The following GLIS3 variants were observed in gnomAD, a reference collection of about 807,000 sequenced individuals.
GLIS3 encodes zinc finger protein GLIS3.
GLIS3 carries 53 observed loss-of-function variants against 78.6 expected under a neutral mutation model. The ratio of observed to expected loss-of-function variants is 0.67; its 90% CI spans 0.54 to 0.85. The LOEUF (loss-of-function observed/expected upper bound fraction) is 0.85, where lower values mean the gene tolerates loss of function less well. Ranked by LOEUF, GLIS3 falls within the 40% of genes least tolerant of loss-of-function variation. The probability of loss-of-function intolerance (pLI) is 0.00; values close to 1 mark genes in which losing one functional copy is unlikely to be tolerated. For missense variants in GLIS3, 1,703 were observed against 1,231.1 expected (o/e 1.38, Z -5.74); for synonymous variants, 684 against 509.9 (o/e 1.34, Z -4.60).
At chr9:4,176,331 G>C (rs1164660924) in intron 2 of GLIS3, among the ~76,000 whole-genome samples, 2 of 152,234 alleles carry the variant, frequency 1.3e-5, no homozygotes, top group East Asian at 3.9e-4. Context: ...TAGTGTTTTA[G>C]GCTATTTCTC....
At chr9:4,321,461 A>AAAAAAAAAAT (rs1563932116) in intron 2 of GLIS3, among the ~76,000 whole-genome samples, 2 of 141,006 alleles carry the variant, frequency 1.4e-5, no homozygotes, top group African/African-American at 5.4e-5. Flanking sequence ...AAAAAAAAAA[A>AAAAAAAAAAT]AATCAGGTGC....
At chr9:4,344,380 C>T (rs1345971794) in intron 2 of GLIS3, among the ~76,000 whole-genome samples, 1 of 152,204 alleles carries the variant, frequency 6.6e-6, no homozygotes, top group African/African-American at 2.4e-5. Flanking sequence ...TCATCAGCAG[C>T]ATTTGGCAAA....
At chr9:4,399,072 T>C in the GLIS3 span, among the ~76,000 whole-genome samples, 2 of 152,216 alleles carry the variant, frequency 1.3e-5, no homozygotes, top group African/African-American at 2.4e-5. Flanking sequence ...CATTTTACGA[T>C]AACAACCACT....
chr9:4,188,415 T>C (rs1167565724), intron 2 of GLIS3, among the ~76,000 whole-genome samples: 4 of 149,240 alleles, frequency 2.7e-5, no homozygotes, highest in African/African-American at 7.4e-5. Flanking sequence ...TTATTGAGGA[T>C]TTTTGCATCA....
At chr9:4,383,278 C>A in the GLIS3 span, among the ~76,000 whole-genome samples, 1 of 152,230 alleles carries the variant, frequency 6.6e-6, no homozygotes, top group Non-Finnish European at 1.5e-5. Flanking sequence ...AAACTCCAAC[C>A]AGATTGCATT....
chr9:3,829,323 G>C lies in GLIS3; in HGVS notation c.2643C>G (p.His881Gln). ...FDVFHRAFST[H>Q]SGITVYDLPS... ...CAACCAACACACCTGTAATGCCCGA[G>C]TGAGTCGAGAAGGCTCTGTGGAAAA... The change falls in exon 10 of 11, where the codon CAC becomes CAG. Residue 881 changes from histidine to glutamine, a missense_variant. Physicochemically the swap from His to Gln is conservative, Grantham distance 24. Coordinates refer to ENST00000381971, the MANE Select transcript of GLIS3 (RefSeq NM_001042413.2). 6 of 1,614,002 alleles carry C rather than the reference G, an allele frequency of 3.7e-6. No individual in the cohort carries two copies. Among genetic ancestry groups the C allele is most frequent in the Non-Finnish European group, 4.2e-6 (5 of 1,179,904 alleles).
the GLIS3 span, among the ~76,000 whole-genome samples, chr9:4,485,973 T>G: frequency 6.6e-6 from 1 of 152,100 alleles, no homozygotes. Flanking sequence ...CCACCCCCCT[T>G]GGCCTCCCAA....
the GLIS3 span, among the ~76,000 whole-genome samples, chr9:4,451,692 A>G: frequency 6.6e-6 from 1 of 152,080 alleles, no homozygotes; most frequent in Non-Finnish European, 1.5e-5. Context: ...GGATAAAGAA[A>G]CTCACTCAAA....
the GLIS3 span, among the ~76,000 whole-genome samples, chr9:4,353,993 ATT>A: frequency 1.7e-3 from 237 of 135,692 alleles, 4 homozygotes; most frequent in South Asian, 2.2e-3. Flanking sequence ...ACACCCGGCT[ATT>A]TTTTTTTTTT....
chr9:4,328,324 G>A (rs773876545), intron 2 of GLIS3, among the ~76,000 whole-genome samples: 15 of 152,172 alleles, frequency 9.9e-5, no homozygotes, highest in Non-Finnish European at 1.8e-4. Flanking sequence ...TCCCCCTGAA[G>A]TTCCAGTTGA....
intron 2 of GLIS3, among the ~76,000 whole-genome samples, chr9:4,211,746 A>C (rs1222778366): frequency 6.6e-6 from 1 of 152,248 alleles, no homozygotes; most frequent in African/African-American, 2.4e-5. Context: ...TGTTCATAAC[A>C]GCCAAAAAGG....
intron 4 of GLIS3, among the ~76,000 whole-genome samples, chr9:3,963,782 G>A (rs190782785): frequency 6.6e-5 from 10 of 152,066 alleles, no homozygotes; most frequent in East Asian, 1.9e-4. Flanking sequence ...AGGCCTCACC[G>A]AGACACCAAG....
chr9:4,209,141 C>G (rs147440643), intron 2 of GLIS3, among the ~76,000 whole-genome samples: 141 of 152,284 alleles, frequency 9.3e-4, no homozygotes, highest in Non-Finnish European at 1.7e-3. Flanking sequence ...AATGGACGCT[C>G]ATGCACCACT....
intron 2 of GLIS3, among the ~76,000 whole-genome samples, chr9:4,194,964 T>C (rs1473545964): frequency 1.3e-5 from 2 of 152,036 alleles, no homozygotes; most frequent in African/African-American, 4.8e-5. Flanking sequence ...CCTGGCAGTG[T>C]AGCCACAAAG....
intron 2 of GLIS3, among the ~76,000 whole-genome samples, chr9:4,175,596 T>C (rs1425303442): frequency 6.6e-6 from 1 of 152,182 alleles, no homozygotes; most frequent in Non-Finnish European, 1.5e-5. Context: ...GTTACTCTCC[T>C]GGCAATGCTG....
At chr9:4,096,777 C>A (rs1003967962) in intron 4 of GLIS3, among the ~76,000 whole-genome samples, 4 of 152,042 alleles carry the variant, frequency 2.6e-5, no homozygotes, top group African/African-American at 7.2e-5. Flanking sequence ...TTTGGGAGGC[C>A]AAGGCAGGTG....
chr9:4,446,504 A>ATTTTTT, the GLIS3 span, among the ~76,000 whole-genome samples: 2 of 124,144 alleles, frequency 1.6e-5, no homozygotes, highest in African/African-American at 3.1e-5. Context: ...AAATATCCAA[A>ATTTTTT]TTTTTTTTTT....
chr9:4,242,694 T>C (rs747583499), intron 2 of GLIS3, among the ~76,000 whole-genome samples: 9 of 152,176 alleles, frequency 5.9e-5, no homozygotes, highest in Non-Finnish European at 8.8e-5. Context: ...CACTGGGCAC[T>C]TGAAATATAG....
the GLIS3 span, among the ~76,000 whole-genome samples, chr9:4,480,949 G>A: frequency 6.6e-6 from 1 of 151,600 alleles, no homozygotes; most frequent in South Asian, 2.1e-4. Context: ...GGACCTCGGG[G>A]GTTCAAGTGG....
Sources: gnomAD v4.1 joint callset for allele counts (sites outside exome capture counted in the v4.1 genomes callset) on GRCh38, gnomAD v4.1.1 for gene constraint, MANE v1.5 for transcripts, NCBI Gene and HGNC (gene_info 2026-07-23, HGNC 2026-07-21) for gene names.